Variants in METTL8 observed in about 807,000 individuals in gnomAD.
METTL8 encodes methyltransferase 8, tRNA N3-cytidine, also known as tRNA N(3)-cytidine methyltransferase METTL8, mitochondrial.
Under a neutral mutation model 48.7 loss-of-function variants are expected in METTL8, and 32 were observed. The observed-to-expected ratio is 0.66, with a 90% CI of 0.50 to 0.88. METTL8 has a LOEUF of 0.88. METTL8 is among the 40% of genes least tolerant of loss of function. METTL8 has a pLI of 0.00. For missense variants in METTL8, 464 were observed against 474.4 expected (o/e 0.98, Z 0.20); for synonymous variants, 136 against 157.1 (o/e 0.87, Z 1.01).
intron 5 of METTL8, among the ~76,000 whole-genome samples, chr2:171,337,017 G>A (rs781664913): frequency 2.6e-5 from 4 of 151,670 alleles, no homozygotes; most frequent in African/African-American, 4.8e-5. Flanking sequence ...ACAGGCATGC[G>A]CCACCATGCC....
In METTL8 at chr2:171,341,672, G is replaced by A. The variant is rs541218870; in HGVS notation, c.236-2118C>T. ...TTACTTTAACCTACTGTAGACGCAT[G>A]CCATTTTAAAAGTGCAAAAGCTTTC... On this transcript the variant is annotated intron_variant, in intron 3 of 9. Coordinates refer to ENST00000375258, the MANE Select transcript of METTL8 (RefSeq NM_001321154.2). 9.9e-5 allele frequency among the ~76,000 whole-genome samples: 15 copies of A among 152,044 alleles called. No homozygotes were observed. The South Asian group carries it at 2.3e-3, about 23-fold the overall frequency.
At chr2:171,328,120 G>A (rs1685143568) in intron 7 of METTL8, among the ~76,000 whole-genome samples, 1 of 152,110 alleles carries the variant, frequency 6.6e-6, no homozygotes, top group Admixed American at 6.5e-5. Context: ...AGTGGGCTGG[G>A]GGTGAGATGG....
chr2:171,357,700 C>A (rs894025961), intron 3 of METTL8, among the ~76,000 whole-genome samples: 2 of 144,784 alleles, frequency 1.4e-5, no homozygotes, highest in South Asian at 4.4e-4. Flanking sequence ...TTTTCTCTCT[C>A]TTTTTTTTTT....
At chr2:171,402,963 G>T (rs565079972) in intron 1 of METTL8, among the ~76,000 whole-genome samples, 1 of 152,226 alleles carries the variant, frequency 6.6e-6, no homozygotes, top group Non-Finnish European at 1.5e-5. Flanking sequence ...AGTAGTTTTG[G>T]ATTACAACCC....
intron 4 of METTL8, among the ~76,000 whole-genome samples, chr2:171,338,038 G>GT (rs1278098895): frequency 6.6e-6 from 1 of 152,160 alleles, no homozygotes; most frequent in Admixed American, 6.5e-5. Flanking sequence ...TAGAAAGCAA[G>GT]TGGGCAATAT....
rs1469565660 is a variant in METTL8 at position 171,321,287 on chromosome 2, T to G, written c.*2885A>C. ...TCCATTCCAGGAAGTGAAATTTCCT[T>G]CCACTCCAGGTTGGAGTGCAGTGGT... On this transcript the variant is annotated 3_prime_UTR_variant, in exon 10 of 10. Transcript: ENST00000375258. 1 of 152,246 alleles carries G rather than the reference T, an allele frequency of 6.6e-6. No individual in the cohort carries two copies. Among genetic ancestry groups the G allele is most frequent in the East Asian group, 1.9e-4 (1 of 5,196 alleles). 9.4% of individuals were successfully genotyped at this position (152,246 alleles called of 1,614,324 possible).
chr2:171,341,428 A>C (rs902995740), intron 3 of METTL8, among the ~76,000 whole-genome samples: 1 of 151,994 alleles, frequency 6.6e-6, no homozygotes, highest in African/African-American at 2.4e-5. Flanking sequence ...TAGTAGAGAC[A>C]GGGTTTCACC....
chr2:171,381,702 T>C (rs935943729), intron 2 of METTL8, among the ~76,000 whole-genome samples: 3 of 151,526 alleles, frequency 2.0e-5, no homozygotes, highest in East Asian at 1.9e-4. Flanking sequence ...TGATGAGATA[T>C]CATCTCACGA....
chr2:171,356,137 A>G (rs1684513894), intron 3 of METTL8, among the ~76,000 whole-genome samples: 1 of 152,012 alleles, frequency 6.6e-6, no homozygotes, highest in Non-Finnish European at 1.5e-5. Context: ...TCTTCATGCT[A>G]GAAACATTTA....
upstream of METTL8, chr2:171,434,326 C>T: frequency 1.5e-6 from 1 of 674,002 alleles, no homozygotes; most frequent in Non-Finnish European, 2.6e-6. Context: ...CTGTCAGCGG[C>T]CAGAGAGCCT....
intron 3 of METTL8, among the ~76,000 whole-genome samples, chr2:171,356,576 C>T (rs981113963): frequency 1.3e-5 from 2 of 152,066 alleles, no homozygotes; most frequent in African/African-American, 2.4e-5. Flanking sequence ...CCCACCCCTT[C>T]CTGGCCCCTG....
Position 171,343,927 on chromosome 2 carries a change from C to T in METTL8, c.236-4373G>A, listed in dbSNP as rs148502155. ...TAAAGAGAAAATGAATCTGTAGTGACGTGACTGCAATCTGGTTCAGAAACC... is the reference window on the plus strand; with the variant it reads ...TAAAGAGAAAATGAATCTGTAGTGATGTGACTGCAATCTGGTTCAGAAACC... On this transcript the variant is annotated intron_variant, in intron 3 of 9. Coordinates refer to ENST00000375258, the MANE Select transcript of METTL8 (RefSeq NM_001321154.2). Among the ~76,000 whole-genome samples the T allele has an allele frequency of 6.4e-3, 971 of 152,232 alleles. 7 individuals carry two copies. The highest frequency in any genetic ancestry group is 0.021 in the African/African-American group (858 of 41,534).
rs186963648 is a variant in METTL8, at chr2:171,335,691, C to A, written c.656+1762G>T. Among the ~76,000 whole-genome samples, 482 of 152,268 alleles carry A rather than the reference C, an allele frequency of 3.2e-3. 2 individuals are homozygous for A. The highest frequency in any genetic ancestry group is 0.011 in the African/African-American group (454 of 41,548). On this transcript the variant is annotated intron_variant, in intron 5 of 9. Transcript: ENST00000375258. ...CTGCCTGCCTCGTCCTCCCAAAGTG[C>A]TGGGATTACAGGTGTGAGCCACCGC...
chr2:171,392,668 C>T (rs1295006952), intron 1 of METTL8, among the ~76,000 whole-genome samples: 1 of 152,046 alleles, frequency 6.6e-6, no homozygotes, highest in Non-Finnish European at 1.5e-5. Flanking sequence ...CCGTGCTGAA[C>T]TGAATAATAT....
chr2:171,427,247 C>G (rs1692509569), intron 1 of METTL8, among the ~76,000 whole-genome samples: 1 of 152,148 alleles, frequency 6.6e-6, no homozygotes, highest in Admixed American at 6.5e-5. Context: ...TCTCCTGTTA[C>G]CACTCTAGTC....
At position 171,318,309 on chromosome 2, in the gene METTL8, T is replaced by A. The variant is rs1170013818; in HGVS notation, c.*5863A>T. On this transcript the variant is annotated 3_prime_UTR_variant, in exon 10 of 10. Coordinates refer to ENST00000375258, the MANE Select transcript of METTL8 (RefSeq NM_001321154.2). ...TCAACATTTCATGCCTGAATTGGTATTAATGTGGCATTAATGTACATACAA... is the reference window on the plus strand; with the variant it reads ...TCAACATTTCATGCCTGAATTGGTAATAATGTGGCATTAATGTACATACAA... 1 of 152,240 alleles carries A rather than the reference T, an allele frequency of 6.6e-6. No homozygotes were observed. The highest frequency in any genetic ancestry group is 1.5e-5 in the Non-Finnish European group (1 of 68,042). 9.4% of individuals were successfully genotyped at this position (152,240 alleles called of 1,614,324 possible).
At chr2:171,385,673 T>C (rs1443628202) in intron 2 of METTL8, among the ~76,000 whole-genome samples, 2 of 152,176 alleles carry the variant, frequency 1.3e-5, no homozygotes, top group African/African-American at 4.8e-5. Flanking sequence ...TGAAGATGGA[T>C]GGCTGTCTAG....
intron 2 of METTL8, among the ~76,000 whole-genome samples, chr2:171,377,160 C>A (rs1403323709): frequency 6.6e-6 from 1 of 152,038 alleles, no homozygotes; most frequent in Admixed American, 6.6e-5. Flanking sequence ...AAGAATGAAA[C>A]TGGATGCTCA....
chr2:171,325,976 T>A, intron 8 of METTL8, 66 bp downstream of exon 8: 5 of 1,351,310 alleles, frequency 3.7e-6, no homozygotes, highest in Non-Finnish European at 5.2e-6. Flanking sequence ...AATACTTTGA[T>A]GTGAAATATA....
Sources: allele counts gnomAD v4.1 joint callset (sites outside exome capture counted in the v4.1 genomes callset), GRCh38; gene constraint gnomAD v4.1.1; transcripts MANE v1.5; gene names NCBI Gene and HGNC (gene_info 2026-07-23, HGNC 2026-07-21).